Variants in ZNF722 observed in about 807,000 individuals in gnomAD.
The protein encoded by ZNF722 is zinc finger protein 479 pseudogene.
chr7:64,002,762 A>G, the ZNF722 span, among the ~76,000 whole-genome samples: 2 of 152,188 alleles, frequency 1.3e-5, no homozygotes, highest in African/African-American at 4.8e-5. Flanking sequence ...ACATGCATAC[A>G]CATTTCCCAA....
the ZNF722 span, among the ~76,000 whole-genome samples, chr7:64,006,833 G>GTATT: frequency 6.7e-6 from 1 of 150,188 alleles, no homozygotes. Flanking sequence ...ATATATGTAT[G>GTATT]TATTTATTTA....
chr7:64,009,061 A>G, the ZNF722 span, among the ~76,000 whole-genome samples: 1 of 152,158 alleles, frequency 6.6e-6, no homozygotes, highest in Non-Finnish European at 1.5e-5. Flanking sequence ...TTATTGGTGT[A>G]TAGGAATGCT....
the ZNF722 span, chr7:64,006,168 T>C: frequency 1.1e-6 from 1 of 951,532 alleles, no homozygotes; most frequent in South Asian, 2.0e-5. Flanking sequence ...TAATACTAGT[T>C]TGGTAATTAA....
chr7:64,017,957 A>G, the ZNF722 span, among the ~76,000 whole-genome samples: 1 of 152,234 alleles, frequency 6.6e-6, no homozygotes, highest in African/African-American at 2.4e-5. Flanking sequence ...TGTTTGTGAA[A>G]GTATTTGATC....
the ZNF722 span, chr7:64,015,783 C>T: frequency 6.2e-7 from 1 of 1,611,988 alleles, no homozygotes. Context: ...CTCCTCAACC[C>T]TTAAGACACA....
chr7:64,004,425 A>AATATATATATATATATAT, the ZNF722 span, among the ~76,000 whole-genome samples: 4 of 61,104 alleles, frequency 6.5e-5, no homozygotes, highest in African/African-American at 2.4e-4. Context: ...AAAAAAAAAA[A>AATATATATATATATATAT]ATATATATAT....
the ZNF722 span, among the ~76,000 whole-genome samples, chr7:64,014,597 A>G: frequency 1.4e-4 from 21 of 152,090 alleles, no homozygotes; most frequent in Non-Finnish European, 2.9e-5. Flanking sequence ...AGACTTCTTC[A>G]TATTTCTTAT....
At chr7:64,001,109 T>A in the ZNF722 span, among the ~76,000 whole-genome samples, 1 of 152,160 alleles carries the variant, frequency 6.6e-6, no homozygotes, top group African/African-American at 2.4e-5. Context: ...TATTTTAGGT[T>A]CAGGAGTACA....
At chr7:64,015,297 A>C in the ZNF722 span, 1 of 1,262,482 alleles carries the variant, frequency 7.9e-7, no homozygotes, top group Non-Finnish European at 1.2e-6. Flanking sequence ...ACATGAAACA[A>C]GATATACTGG....
At chr7:64,003,541 T>G in the ZNF722 span, among the ~76,000 whole-genome samples, 2 of 152,324 alleles carry the variant, frequency 1.3e-5, no homozygotes, top group African/African-American at 2.4e-5. Context: ...CAGTGTCCAC[T>G]CTGCCTTTTG....
At chr7:64,000,435 C>CTTTTTT in the ZNF722 span, among the ~76,000 whole-genome samples, 1 of 22,168 alleles carries the variant, frequency 4.5e-5, no homozygotes, top group Non-Finnish European at 1.1e-4. Flanking sequence ...CCATGCCCGG[C>CTTTTTT]CTTTTTTTTT....
At chr7:64,005,299 C>A in the ZNF722 span, among the ~76,000 whole-genome samples, 1 of 150,178 alleles carries the variant, frequency 6.7e-6, no homozygotes, top group South Asian at 2.1e-4. Context: ...AACTCGGTCT[C>A]AAAAAAAAGA....
the ZNF722 span, among the ~76,000 whole-genome samples, chr7:64,002,475 C>T: frequency 2.0e-5 from 3 of 152,052 alleles, no homozygotes; most frequent in African/African-American, 4.8e-5. Context: ...ATAGCCATTT[C>T]GAAGCTGATT....
chr7:63,999,043 T>C, the ZNF722 span: 5 of 1,561,272 alleles, frequency 3.2e-6, no homozygotes, highest in African/African-American at 4.1e-5. Flanking sequence ...GGGAGACGGT[T>C]GGAACCGGCT....
chr7:64,007,112 A>G, the ZNF722 span, among the ~76,000 whole-genome samples: 1 of 151,506 alleles, frequency 6.6e-6, no homozygotes, highest in Non-Finnish European at 1.5e-5. Context: ...TATAGTGGCC[A>G]TTCTAACTGA....
the ZNF722 span, among the ~76,000 whole-genome samples, chr7:64,009,892 G>A: frequency 6.6e-6 from 1 of 151,988 alleles, no homozygotes; most frequent in Non-Finnish European, 1.5e-5. Context: ...TTGGTTGGTA[G>A]GCTATTAATT....
At chr7:64,013,353 G>A in the ZNF722 span, among the ~76,000 whole-genome samples, 1 of 151,964 alleles carries the variant, frequency 6.6e-6, no homozygotes, top group East Asian at 1.9e-4. Context: ...AATAGTTATA[G>A]ATTCCTAGTA....
the ZNF722 span, among the ~76,000 whole-genome samples, chr7:63,999,655 G>A: frequency 6.6e-6 from 1 of 152,082 alleles, no homozygotes; most frequent in Non-Finnish European, 1.5e-5. Context: ...GGTTGACTAG[G>A]CCTGAATTTT....
chr7:64,014,808 T>C, the ZNF722 span, among the ~76,000 whole-genome samples: 1 of 152,198 alleles, frequency 6.6e-6, no homozygotes, highest in Non-Finnish European at 1.5e-5. Flanking sequence ...TTTGACATTG[T>C]GCTCACATGG....
Sources: allele counts gnomAD v4.1 joint callset (sites outside exome capture counted in the v4.1 genomes callset), GRCh38; gene constraint gnomAD v4.1.1; transcripts MANE v1.5; gene names NCBI Gene and HGNC (gene_info 2026-07-23, HGNC 2026-07-21).